ADGRG4: variants seen among roughly 807,000 people sequenced by gnomAD.
ADGRG4 encodes the protein G protein-coupled receptor 112.
ADGRG4 carries 122 observed loss-of-function variants against 126.2 expected under a neutral mutation model. The ratio of observed to expected loss-of-function variants is 0.97; its 90% CI spans 0.83 to 1.12. The LOEUF is 1.12. Ranked by LOEUF, ADGRG4 falls within the 50% of genes most tolerant of loss-of-function variation. The pLI, the probability that ADGRG4 is intolerant of heterozygous loss-of-function variation, is 0.00. For missense variants in ADGRG4, 2,481 were observed against 2,251.8 expected (o/e 1.10, Z -2.06); for synonymous variants, 943 against 838.7 (o/e 1.12, Z -2.15).
At position 136,400,092 on chromosome X, in the gene ADGRG4, C is replaced by T; in HGVS notation, c.8551C>T (p.Leu2851Phe). ...CAACATATACATTCCAAATTATATC[C>T]TTAAATTTTGTCTAGTTGGTTGGGG... The part of the protein sequence containing the change: ...VFNIYIPNYI[L>F]KFCLVGWGIP... The change falls in exon 21 of 26, where the codon CTT becomes TTT. Residue 2851 changes from leucine (L) to phenylalanine (F), a missense_variant. By Grantham distance (22) the Leu-to-Phe change is conservative. Transcript: ENST00000394143. 1.7e-6 allele frequency: 2 copies of T among 1,199,775 alleles called. No individual in the cohort carries two copies. Among genetic ancestry groups the T allele is most frequent in the South Asian group, 1.8e-5 (1 of 56,335 alleles).
Position 136,323,058 on chromosome X carries a change from T to C in ADGRG4, c.351T>C (p.Phe117=), listed in dbSNP as rs1400473340. 8.3e-7 allele frequency: 1 copy of C among 1,209,678 alleles called. No individual in the cohort carries two copies. Among genetic ancestry groups the C allele is most frequent in the African/African-American group, 1.7e-5 (1 of 57,163 alleles). ...CTATCCGTCACCACCTGGCTTCATT[T>C]CAATGGCATACAATATGCTTGATAT... ...TFSIRHHLAS[F]QWHTICLIWD... is the part of the protein sequence containing the mutation. The change falls in exon 5 of 26, where the codon TTT becomes TTC. Residue 117 remains phenylalanine (F), a synonymous_variant. Transcript: ENST00000394143.
In ADGRG4 at chrX:136,346,561, G is replaced by C; in HGVS notation, c.2855G>C (p.Gly952Ala). The C allele has an allele frequency of 7.4e-6, 9 of 1,210,234 alleles. No homozygotes were observed. Among genetic ancestry groups the C allele is most frequent in the South Asian group, 1.8e-5 (1 of 56,640 alleles). ...TSETSEGISA[G>A]SPTSGSTHIF... is the part of the protein sequence containing the mutation. ...GAGACATCTGAGGGAATTTCAGCTG[G>C]ATCTCCCACTTCTGGGAGCACACAT... is the stretch of plus-strand genomic sequence containing the variant. The change falls in exon 6 of 26, where the codon GGA (glycine) becomes GCA (alanine). Residue 952 changes from glycine to alanine, a missense_variant. Transcript: ENST00000394143.
rs201001314 is a variant in ADGRG4 at position 136,349,443 on chromosome X, C to T, written c.5737C>T (p.His1913Tyr). 4 of 1,205,523 alleles carry T rather than the reference C, an allele frequency of 3.3e-6. No homozygotes were observed. The African/African-American group carries it at 5.3e-5, about 16-fold the overall frequency. The stretch of plus-strand genomic sequence containing the variant: ...CAATGAGATGGAAACAGAGACTCTA[C>T]ACCTTGTTCCTGGGCCTTTGTCAAC... Reference protein sequence around the residue: ...TSNEMETETLHLVPGPLSTFT... With the variant: ...TSNEMETETLYLVPGPLSTFT... Residue 1913 changes from histidine (H) to tyrosine (Y), a missense_variant, in exon 6 of 26, where the codon CAC (histidine) becomes TAC (tyrosine). Transcript: ENST00000394143.
intron 5 of ADGRG4, among the ~76,000 whole-genome samples, chrX:136,343,444 G>T (rs1182225995): frequency 1.8e-5 from 2 of 111,343 alleles, no homozygotes; most frequent in African/African-American, 6.5e-5. Context: ...TTTGAGATTT[G>T]TCTGGGTATA....
chrX:136,411,189 A>G (rs1334130918), intron 23 of ADGRG4, among the ~76,000 whole-genome samples: 4 of 111,615 alleles, frequency 3.6e-5, no homozygotes, highest in African/African-American at 1.3e-4. Context: ...AGACGGGATT[A>G]CAGACATGTG....
intron 4 of ADGRG4, among the ~76,000 whole-genome samples, chrX:136,314,349 C>G (rs1190942148): frequency 8.9e-6 from 1 of 111,758 alleles, no homozygotes; most frequent in African/African-American, 3.3e-5. Context: ...ACCTAAAAAG[C>G]ACTACATGAT....
intron 21 of ADGRG4, among the ~76,000 whole-genome samples, chrX:136,401,386 A>G (rs954264691): frequency 1.8e-5 from 2 of 111,483 alleles, no homozygotes; most frequent in Admixed American, 1.9e-4. Flanking sequence ...CTCCCTCATC[A>G]TCACTCATTC....
chrX:136,335,343 CTTTT>C (rs75317100), intron 5 of ADGRG4, among the ~76,000 whole-genome samples: 1 of 99,735 alleles, frequency 1.0e-5, no homozygotes. Flanking sequence ...TAATTTCTTT[CTTTT>C]TTTTTTTTTA....
chrX:136,382,213 TATCCTTTGTACAACTGGAAATGCACAA>T (rs1216917656), intron 15 of ADGRG4, among the ~76,000 whole-genome samples: 1 of 111,654 alleles, frequency 9.0e-6, no homozygotes, highest in Non-Finnish European at 1.9e-5. Flanking sequence ...ATAATACAAC[TATCCTTTGTACAACTGGAAATGCACAA>T]ATCCCCAACA....
At position 136,345,050 on chromosome X, in the gene ADGRG4, G is replaced by C; in HGVS notation, c.1344G>C (p.Trp448Cys). Residue 448 changes from tryptophan to cysteine, a missense_variant, in exon 6 of 26, where the codon TGG becomes TGC. Trp to Cys is a radical substitution (Grantham distance 215, BLOSUM62 -2). Coordinates refer to ENST00000394143, the MANE Select transcript of ADGRG4 (RefSeq NM_153834.4). Reference protein sequence around the residue: ...IESTAAGTVPWFTVEKTSPAS... With the variant: ...IESTAAGTVPCFTVEKTSPAS... ...CTACAGCTGCCGGAACTGTACCTTG[G>C]TTTACAGTGGAAAAGACTTCACCTG... The C allele has an allele frequency of 8.3e-7, 1 of 1,210,431 alleles. No individual in the cohort carries two copies. The highest frequency in any genetic ancestry group is 1.1e-6 in the Non-Finnish European group (1 of 894,474).
In ADGRG4 at chrX:136,371,403, A is replaced by G. The variant is rs1418673584; in HGVS notation, c.7472A>G (p.Lys2491Arg). ...CCAGCCCTGGGTAAAGAAGAGACAAAGATTATTGTTTCTAAAATATCAGAT... is the reference window on the plus strand; with the variant it reads ...CCAGCCCTGGGTAAAGAAGAGACAAGGATTATTGTTTCTAAAATATCAGAT... ...ESPALGKEET[K>R]IIVSKISDIS... is the part of the protein sequence containing the mutation. Residue 2491 changes from lysine to arginine, a missense_variant, in exon 14 of 26, where the codon AAG becomes AGG. Coordinates refer to ENST00000394143, the MANE Select transcript of ADGRG4 (RefSeq NM_153834.4). 8.4e-7 allele frequency: 1 copy of G among 1,193,883 alleles called. No individual in the cohort carries two copies. Among genetic ancestry groups the G allele is most frequent in the African/African-American group, 1.7e-5 (1 of 57,526 alleles).
intron 13 of ADGRG4, among the ~76,000 whole-genome samples, chrX:136,367,587 G>A (rs757104879): frequency 3.3e-4 from 37 of 111,954 alleles, no homozygotes; most frequent in African/African-American, 1.1e-3. Context: ...AAAATCTACC[G>A]CGGAGTAAAG....
At chrX:136,315,761 C>T (rs1470013937) in intron 4 of ADGRG4, among the ~76,000 whole-genome samples, 1 of 111,608 alleles carries the variant, frequency 9.0e-6, no homozygotes, top group African/African-American at 3.3e-5. Context: ...GTAGGGTGGG[C>T]CCCTAATCCA....
chrX:136,325,304 T>C (rs2074865435), intron 5 of ADGRG4, among the ~76,000 whole-genome samples: 1 of 112,245 alleles, frequency 8.9e-6, no homozygotes, highest in Non-Finnish European at 1.9e-5. Flanking sequence ...TTGAGTTAAC[T>C]GCAGAGGAAC....
Position 136,344,652 on chromosome X carries a change from G to A in ADGRG4, c.946G>A (p.Asp316Asn), listed in dbSNP as rs759179086. 2 of 1,210,189 alleles carry A rather than the reference G, an allele frequency of 1.7e-6. No individual in the cohort carries two copies. The highest frequency in any genetic ancestry group is 5.9e-5 in the East Asian group (2 of 33,806). ...LVDETATFAV[D>N]VLSTSSAISL... ...AGATGAGACAGCTACATTTGCAGTG[G>A]ATGTTTTATCAACTTCATCAGCCAT... is the stretch of plus-strand genomic sequence containing the variant. Residue 316 changes from aspartate to asparagine, a missense_variant, in exon 6 of 26, where the codon GAT (aspartate) becomes AAT (asparagine). Asp to Asn is a conservative substitution (Grantham distance 23). Transcript: ENST00000394143.
chrX:136,393,505 G>A (rs1271069331), intron 17 of ADGRG4, 30 bp from the exon 18 acceptor site: 27 of 1,159,942 alleles, frequency 2.3e-5, no homozygotes, highest in Non-Finnish European at 3.2e-5. Flanking sequence ...CACAAGGCAA[G>A]ATGTTTACCT....
At chrX:136,379,346 A>C (rs2075245886) in intron 15 of ADGRG4, among the ~76,000 whole-genome samples, 1 of 111,077 alleles carries the variant, frequency 9.0e-6, no homozygotes, top group African/African-American at 3.3e-5. Flanking sequence ...AGGGCAGATA[A>C]TAAATATTTT....
rs1195030779 is a variant in ADGRG4, at chrX:136,393,556, G to GCCTTTT, written c.8057_8062dup (p.Phe2687_Trp2688insSerPhe). ...CCAGAATTATGGTCAAGTTCACTGT[G>GCCTTTT]CCTTTTGGGATTTTGAGAATAATAG... On this transcript the variant is annotated inframe_insertion, in exon 18 of 26. Coordinates refer to ENST00000394143, the MANE Select transcript of ADGRG4 (RefSeq NM_153834.4). The GCCTTTT allele has an allele frequency of 6.7e-6, 8 of 1,202,917 alleles. No individual in the cohort carries two copies. Among genetic ancestry groups the GCCTTTT allele is most frequent in the Non-Finnish European group, 9.0e-6 (8 of 889,852 alleles).
At chrX:136,399,743 G>A in intron 20 of ADGRG4, 105 bp from the exon 21 acceptor site, 1 of 706,488 alleles carries the variant, frequency 1.4e-6, no homozygotes, top group Non-Finnish European at 2.1e-6. Context: ...GCAAAGATGA[G>A]TAATTCTTTT....
Sources: allele counts gnomAD v4.1 joint callset (sites outside exome capture counted in the v4.1 genomes callset), GRCh38; gene constraint gnomAD v4.1.1; transcripts MANE v1.5; gene names NCBI Gene and HGNC (gene_info 2026-07-23, HGNC 2026-07-21).